The following NKAIN2 variants were observed in gnomAD, a reference collection of about 807,000 sequenced individuals.
NKAIN2 encodes sodium/potassium transporting ATPase interacting 2.
In NKAIN2, 14 loss-of-function variants were observed where a neutral mutation model predicts 32.6. The observed-to-expected ratio is 0.43, with a 90% CI of 0.28 to 0.67. NKAIN2 has a LOEUF of 0.67. NKAIN2 is among the 30% of genes least tolerant of loss of function. The pLI is 0.17. For missense variants in NKAIN2, 198 were observed against 258.3 expected, an observed-to-expected ratio of 0.77 and a Z score of 1.60; for synonymous variants, 80 against 87.2, an observed-to-expected ratio of 0.92 and a Z score of 0.46.
chr6:124,179,561 G>A (rs1789332479), intron 1 of NKAIN2, among the ~76,000 whole-genome samples: 1 of 152,206 alleles, frequency 6.6e-6, no homozygotes, highest in South Asian at 2.1e-4. Context: ...TTACAGTTGA[G>A]AGGAAAAGGA....
At chr6:124,255,644 A>C (rs975205472) in intron 1 of NKAIN2, among the ~76,000 whole-genome samples, 1 of 152,214 alleles carries the variant, frequency 6.6e-6, no homozygotes, top group African/African-American at 2.4e-5. Context: ...TCACCTATGA[A>C]TACTAAATTA....
chr6:124,736,100 G>T (rs1776923450), intron 4 of NKAIN2, among the ~76,000 whole-genome samples: 1 of 151,888 alleles, frequency 6.6e-6, no homozygotes, highest in Non-Finnish European at 1.5e-5. Flanking sequence ...GTTCTTGAAG[G>T]AAACTAAAAA....
In NKAIN2 at chr6:124,623,879, CACAG is replaced by C. The variant is rs1197148803; in HGVS notation, c.274-34303_274-34300del. The stretch of plus-strand genomic sequence containing the variant: ...CCTTTGGTACATTCAGTCTCAAAAA[CACAG>C]ACACTCTTTTCTGAGATTCATTTCA... On this transcript the variant is annotated intron_variant, in intron 3 of 6. Transcript: ENST00000368417. Among the ~76,000 whole-genome samples, 11 of 152,242 alleles carry C rather than the reference CACAG, an allele frequency of 7.2e-5. No individual in the cohort carries two copies. In the East Asian group the frequency reaches 1.9e-3, roughly 27 times the overall value.
At chr6:124,287,960 C>T (rs201221928) in intron 2 of NKAIN2, among the ~76,000 whole-genome samples, 2 of 151,670 alleles carry the variant, frequency 1.3e-5, no homozygotes, top group African/African-American at 4.9e-5. Context: ...TTTCTCCCCC[C>T]CTCTCCCTTT....
intron 3 of NKAIN2, among the ~76,000 whole-genome samples, chr6:124,466,548 G>A (rs1392283455): frequency 4.0e-5 from 6 of 151,870 alleles, no homozygotes; most frequent in African/African-American, 1.2e-4. Context: ...CAAATCCTAT[G>A]ACCTTGAAAG....
chr6:124,063,897 A>T (rs111428148), intron 1 of NKAIN2, among the ~76,000 whole-genome samples: 2,028 of 152,256 alleles, frequency 0.013, 34 homozygotes, highest in African/African-American at 0.039. Flanking sequence ...ACACAATGCA[A>T]ATATATGTGT....
chr6:124,616,411 T>C (rs1782890100), intron 3 of NKAIN2, among the ~76,000 whole-genome samples: 1 of 147,628 alleles, frequency 6.8e-6, no homozygotes, highest in South Asian at 2.1e-4. Flanking sequence ...CTTATTATTT[T>C]TTTCTTTTTT....
At chr6:124,123,660 A>C (rs1035386096) in intron 1 of NKAIN2, among the ~76,000 whole-genome samples, 1 of 152,108 alleles carries the variant, frequency 6.6e-6, no homozygotes, top group African/African-American at 2.4e-5. Flanking sequence ...TGACATAATA[A>C]AGTAGCTTCT....
chr6:124,687,743 T>TACACAC (rs373594549), intron 4 of NKAIN2, among the ~76,000 whole-genome samples: 11,663 of 104,122 alleles, frequency 0.11, 896 homozygotes, highest in South Asian at 0.18. Context: ...ATATGATATA[T>TACACAC]ACACACACAC....
At chr6:124,678,566 C>T (rs911340667) in intron 4 of NKAIN2, among the ~76,000 whole-genome samples, 2 of 151,880 alleles carry the variant, frequency 1.3e-5, no homozygotes, top group Admixed American at 6.6e-5. Flanking sequence ...TCATTTGGTT[C>T]GTTTTAATAT....
intron 4 of NKAIN2, among the ~76,000 whole-genome samples, chr6:124,750,446 A>G (rs2114709330): frequency 6.6e-6 from 1 of 152,076 alleles, no homozygotes; most frequent in South Asian, 2.1e-4. Context: ...CATTTTAGCC[A>G]TAGCACCTGG....
rs1044252925 is a variant in NKAIN2, at chr6:124,342,155, A to G, written c.193-13112A>G. ...GGTGGCTCACGCCTGTAATCCCAGCACTTTGGGAGGCCAAGGCAGGCGGAT... is the reference window on the plus strand; with the variant it reads ...GGTGGCTCACGCCTGTAATCCCAGCGCTTTGGGAGGCCAAGGCAGGCGGAT... On this transcript the variant is annotated intron_variant, in intron 2 of 6. Coordinates refer to ENST00000368417, the MANE Select transcript of NKAIN2 (RefSeq NM_001040214.3). Among the ~76,000 whole-genome samples the G allele has an allele frequency of 2.0e-5, 3 of 152,060 alleles. No individual in the cohort carries two copies. In the South Asian group the frequency reaches 6.2e-4, roughly 32 times the overall value.
chr6:124,770,668 T>G (rs1778710155), intron 4 of NKAIN2, among the ~76,000 whole-genome samples: 1 of 152,156 alleles, frequency 6.6e-6, no homozygotes, highest in African/African-American at 2.4e-5. Context: ...GAAATCTGCC[T>G]TCTCTTATTA....
intron 1 of NKAIN2, among the ~76,000 whole-genome samples, chr6:124,145,703 T>C (rs183312672): frequency 6.6e-6 from 1 of 151,976 alleles, no homozygotes. Flanking sequence ...GAAGGGGTTT[T>C]ACTGTGTTAG....
At chr6:124,312,997 A>C (rs1019847430) in intron 2 of NKAIN2, among the ~76,000 whole-genome samples, 2 of 152,114 alleles carry the variant, frequency 1.3e-5, no homozygotes, top group Non-Finnish European at 2.9e-5. Context: ...TGAGGCCTAA[A>C]GTGCCCCAAC....
Position 124,331,345 on chromosome 6 carries a change from C to CAAAAAAAAAAAAAAAAA in NKAIN2, c.193-23904_193-23888dup, listed in dbSNP as rs1162529828. ...TGAAACCCTGTCTCTACTAAATATA[C>CAAAAAAAAAAAAAAAAA]AAAAAAAAAAAAAAAAAAAAAAAAA... On this transcript the variant is annotated intron_variant, in intron 2 of 6. Transcript: ENST00000368417. 7.7e-4 allele frequency among the ~76,000 whole-genome samples: 16 copies of CAAAAAAAAAAAAAAAAA among 20,816 alleles called. 1 individual carries two copies. Among genetic ancestry groups the CAAAAAAAAAAAAAAAAA allele is most frequent in the Admixed American group, 3.2e-3 (3 of 926 alleles). 13.7% of individuals were successfully genotyped at this position (20,816 alleles called of 152,430 possible).
At chr6:124,095,405 A>G (rs1348685095) in intron 1 of NKAIN2, among the ~76,000 whole-genome samples, 1 of 152,174 alleles carries the variant, frequency 6.6e-6, no homozygotes, top group Non-Finnish European at 1.5e-5. Context: ...TGCTGTTGTC[A>G]CTTAAAATTT....
At chr6:123,938,656 G>A (rs1776676981) in intron 1 of NKAIN2, among the ~76,000 whole-genome samples, 1 of 134,398 alleles carries the variant, frequency 7.4e-6, no homozygotes, top group Non-Finnish European at 1.6e-5. Context: ...TTTTCCCTAT[G>A]GCAGACTCAG....
At chr6:123,898,763 T>G (rs1435843337) in intron 1 of NKAIN2, among the ~76,000 whole-genome samples, 1 of 152,124 alleles carries the variant, frequency 6.6e-6, no homozygotes, top group African/African-American at 2.4e-5. Context: ...AATTCCTGTC[T>G]TTGGTATTAG....
Sources: allele counts gnomAD v4.1 joint callset (sites outside exome capture counted in the v4.1 genomes callset), GRCh38; gene constraint gnomAD v4.1.1; transcripts MANE v1.5; gene names NCBI Gene and HGNC (gene_info 2026-07-23, HGNC 2026-07-21).